Variants in PLS3 observed in about 807,000 individuals in gnomAD.
PLS3 encodes plastin 3, also known as plastin-3.
Under a neutral mutation model 46.5 loss-of-function variants are expected in PLS3, and 11 were observed. That is an observed-to-expected ratio of 0.24 (90% CI 0.15 to 0.39). The LOEUF is 0.39. Among genes scored for constraint, PLS3 ranks in the 10% least tolerant of loss-of-function variants. PLS3 has a pLI of 1.00. For missense variants in PLS3, 308 were observed against 461.8 expected (o/e 0.67, Z 3.05); for synonymous variants, 167 against 162.2 (o/e 1.03, Z -0.22).
chrX:115,622,304 T>C lies in PLS3; in HGVS notation c.132T>C (p.Ala44=). The change falls in exon 3 of 16, where the codon GCT becomes GCC. Residue 44 remains alanine, a synonymous_variant. Transcript: ENST00000355899. ...AACTTCATGAGCTCTTCAAGGAAGCTAATATGCCATTACCAGGATATAAAG... is the reference window on the plus strand; with the variant it reads ...AACTTCATGAGCTCTTCAAGGAAGCCAATATGCCATTACCAGGATATAAAG... ...DYELHELFKE[A]NMPLPGYKVR... is the part of the protein sequence containing the mutation. The C allele has an allele frequency of 8.5e-7, 1 of 1,180,629 alleles. No individual in the cohort carries two copies. Among genetic ancestry groups the C allele is most frequent in the East Asian group, 3.0e-5 (1 of 33,549 alleles).
intron 1 of PLS3, among the ~76,000 whole-genome samples, chrX:115,589,031 G>A (rs187042604): frequency 2.7e-5 from 3 of 111,630 alleles, no homozygotes; most frequent in East Asian, 5.6e-4. Flanking sequence ...TGCTCTGTCC[G>A]TGCAGTGGCA....
intron 1 of PLS3, among the ~76,000 whole-genome samples, chrX:115,580,216 A>T (rs1428798454): frequency 8.9e-6 from 1 of 112,129 alleles, no homozygotes; most frequent in Non-Finnish European, 1.9e-5. Context: ...GGCCCACTTT[A>T]TCAGTATTTC....
In PLS3 at chrX:115,647,909, C is replaced by G; in HGVS notation, c.1652C>G (p.Ser551Cys). 1 of 1,202,505 alleles carries G rather than the reference C, an allele frequency of 8.3e-7. No individual in the cohort carries two copies. Among genetic ancestry groups the G allele is most frequent in the Non-Finnish European group, 1.1e-6 (1 of 887,238 alleles). Reference protein sequence around the residue: ...IQSFKDKTISSSLAVVDLIDA... With the variant: ...IQSFKDKTISCSLAVVDLIDA... Reference sequence around the variant, plus strand: ...TCACACTAGGACAAGACGATCAGCTCCAGTTTGGCAGTTGTGGATTTAATT... The same window carrying G: ...TCACACTAGGACAAGACGATCAGCTGCAGTTTGGCAGTTGTGGATTTAATT... Residue 551 changes from serine to cysteine, a missense_variant, in exon 15 of 16, where the codon TCC (serine) becomes TGC (cysteine). By Grantham distance (112) the Ser-to-Cys change is moderately radical. Coordinates refer to ENST00000355899, the MANE Select transcript of PLS3 (RefSeq NM_005032.7).
Position 115,600,350 on chromosome X carries a change from C to G in PLS3, c.-8-9893C>G, listed in dbSNP as rs373290016. Among the ~76,000 whole-genome samples, 10 of 108,100 alleles carry G rather than the reference C, an allele frequency of 9.3e-5. 1 individual carries two copies. Among genetic ancestry groups the G allele is most frequent in the African/African-American group, 2.0e-4 (6 of 29,552 alleles). 93.9% of individuals were successfully genotyped at this position (108,100 alleles called of 115,157 possible). ...CTATGTTGTACAGGTTGGTCCCAAA[C>G]TCCTGGCCTCAAGCAGTTCTCCCAC... is the stretch of plus-strand genomic sequence containing the variant. On this transcript the variant is annotated intron_variant, in intron 1 of 15. Coordinates refer to ENST00000355899, the MANE Select transcript of PLS3 (RefSeq NM_005032.7).
intron 6 of PLS3, among the ~76,000 whole-genome samples, chrX:115,634,661 A>C (rs1302226981): frequency 3.6e-5 from 4 of 112,389 alleles, no homozygotes; most frequent in African/African-American, 6.5e-5. Context: ...TTAACTTCTC[A>C]TGAGATTCTG....
chrX:115,625,307 C>CTG (rs1297546368), intron 3 of PLS3, among the ~76,000 whole-genome samples: 3 of 109,953 alleles, frequency 2.7e-5, no homozygotes, highest in Non-Finnish European at 5.7e-5. Flanking sequence ...AGAGAAATGT[C>CTG]TGTGTGTGTG....
intron 1 of PLS3, among the ~76,000 whole-genome samples, chrX:115,585,992 A>AT (rs782430699): frequency 0.053 from 5,450 of 103,088 alleles, 376 homozygotes; most frequent in African/African-American, 0.18. Flanking sequence ...GAAAAATCTA[A>AT]TTTTTTTTTT....
chrX:115,574,228 G>A (rs1475935195), intron 1 of PLS3, among the ~76,000 whole-genome samples: 4 of 111,839 alleles, frequency 3.6e-5, no homozygotes, highest in African/African-American at 1.3e-4. Context: ...TCCTTTCACA[G>A]TTCACCTGGC....
At chrX:115,631,890 A>G (rs781909338) in intron 5 of PLS3, among the ~76,000 whole-genome samples, 37 of 110,460 alleles carry the variant, frequency 3.3e-4, no homozygotes, top group African/African-American at 1.2e-3. Context: ...TGCATCCTCC[A>G]CCTCCCAGTT....
At chrX:115,592,948 G>A (rs190177010) in intron 1 of PLS3, among the ~76,000 whole-genome samples, 1 of 111,298 alleles carries the variant, frequency 9.0e-6, no homozygotes, top group Admixed American at 9.6e-5. Flanking sequence ...GAGATATTTC[G>A]GTTCAGCAAG....
At chrX:115,591,411 T>C (rs929512875) in intron 1 of PLS3, among the ~76,000 whole-genome samples, 2 of 112,268 alleles carry the variant, frequency 1.8e-5, no homozygotes, top group East Asian at 5.6e-4. Flanking sequence ...AAAACAGTTT[T>C]TAAGTAGTAC....
intron 1 of PLS3, among the ~76,000 whole-genome samples, chrX:115,594,642 TCC>T (rs1177975197): frequency 1.1e-5 from 1 of 94,481 alleles, no homozygotes; most frequent in African/African-American, 4.7e-5. Context: ...TCTCTCTCCC[TCC>T]CTCTCTCTCT....
At chrX:115,588,677 G>T (rs1298822969) in intron 1 of PLS3, among the ~76,000 whole-genome samples, 1 of 110,499 alleles carries the variant, frequency 9.0e-6, no homozygotes, top group Non-Finnish European at 1.9e-5. Flanking sequence ...GCTGAGTTGG[G>T]TTTTTTGTTG....
intron 3 of PLS3, among the ~76,000 whole-genome samples, chrX:115,627,325 G>A (rs1476083450): frequency 8.9e-6 from 1 of 112,135 alleles, no homozygotes; most frequent in Non-Finnish European, 1.9e-5. Context: ...AGAAGCACTC[G>A]TAATAAGAAA....
intron 15 of PLS3, among the ~76,000 whole-genome samples, 159 bp downstream of exon 15, chrX:115,648,176 C>A (rs1556642018): frequency 9.0e-6 from 1 of 111,672 alleles, no homozygotes; most frequent in African/African-American, 3.2e-5. Context: ...ATAATACTTA[C>A]CTTAGATTTT....
At chrX:115,626,192 G>A (rs2074708768) in intron 3 of PLS3, among the ~76,000 whole-genome samples, 1 of 111,982 alleles carries the variant, frequency 8.9e-6, no homozygotes, top group South Asian at 3.7e-4. Context: ...CCACTTAAGC[G>A]ATTTCTTTAC....
At chrX:115,622,070 A>G (rs1362070015) in intron 2 of PLS3, 176 bp from the exon 3 acceptor site, 2 of 414,604 alleles carry the variant, frequency 4.8e-6, no homozygotes, top group Non-Finnish European at 8.3e-6. Flanking sequence ...ATGATGTAAA[A>G]CCTTGCTTTT....
At chrX:115,566,748 C>T (rs2074176928) in intron 1 of PLS3, among the ~76,000 whole-genome samples, 1 of 109,050 alleles carries the variant, frequency 9.2e-6, no homozygotes, top group African/African-American at 3.4e-5. Context: ...GGCGTGATCT[C>T]AGCCCACTGC....
intron 1 of PLS3, among the ~76,000 whole-genome samples, chrX:115,566,896 C>G (rs782298350): frequency 1.2e-3 from 131 of 110,081 alleles, no homozygotes; most frequent in Non-Finnish European, 1.7e-3. Context: ...TCAGGCTGGT[C>G]TAGAATTCCT....
Sources: gnomAD v4.1 joint callset for allele counts (sites outside exome capture counted in the v4.1 genomes callset) on GRCh38, gnomAD v4.1.1 for gene constraint, MANE v1.5 for transcripts, NCBI Gene and HGNC (gene_info 2026-07-23, HGNC 2026-07-21) for gene names.